FAR2: variants seen among roughly 807,000 people sequenced by gnomAD.
FAR2 encodes the protein epididymis secretory protein Li 81.
Under a neutral mutation model 56.0 loss-of-function variants are expected in FAR2, and 19 were observed. The observed-to-expected ratio is 0.34, with a 90% CI of 0.24 to 0.50. The LOEUF (loss-of-function observed/expected upper bound fraction) is 0.50. FAR2 is among the 20% of genes least tolerant of loss of function. FAR2 has a pLI of 0.98. For synonymous variants in FAR2, 219 were observed against 218.8 expected, an observed-to-expected ratio of 1.00 and a Z score of -0.01; for missense variants, 508 against 642.2, an observed-to-expected ratio of 0.79 and a Z score of 2.26.
At chr12:29,159,511 C>A (rs553283242) in intron 1 of FAR2, among the ~76,000 whole-genome samples, 2 of 112,200 alleles carry the variant, frequency 1.8e-5, no homozygotes, top group African/African-American at 6.7e-5. Flanking sequence ...GTGTGTGAGA[C>A]TCTGTCTCGG....
At chr12:29,199,375 G>A (rs1342217805) in intron 1 of FAR2, among the ~76,000 whole-genome samples, 1 of 152,202 alleles carries the variant, frequency 6.6e-6, no homozygotes, top group Non-Finnish European at 1.5e-5. Flanking sequence ...CGAGGCGGGT[G>A]GATCACGAGG....
chr12:29,217,043 G>C (rs866020558), intron 1 of FAR2, among the ~76,000 whole-genome samples: 6 of 152,192 alleles, frequency 3.9e-5, no homozygotes, highest in Middle Eastern at 3.4e-3. Flanking sequence ...AAATATTTTG[G>C]CTCTTTAGTA....
At chr12:29,217,089 G>A (rs953659967) in intron 1 of FAR2, among the ~76,000 whole-genome samples, 1 of 152,138 alleles carries the variant, frequency 6.6e-6, no homozygotes, top group African/African-American at 2.4e-5. Flanking sequence ...TTAAAATGTA[G>A]GAGATTAGGA....
At chr12:29,227,058 CT>C (rs1232964724) in intron 1 of FAR2, among the ~76,000 whole-genome samples, 2 of 152,156 alleles carry the variant, frequency 1.3e-5, no homozygotes, top group African/African-American at 2.4e-5. Context: ...ACAAATGTCA[CT>C]TTCCCCCTTT....
intron 1 of FAR2, among the ~76,000 whole-genome samples, chr12:29,176,353 T>C (rs377742547): frequency 3.3e-5 from 5 of 152,360 alleles, no homozygotes; most frequent in East Asian, 1.9e-4. Context: ...TGAAGCTCTG[T>C]GATGTCTGGT....
chr12:29,188,780 T>G (rs1024365221), intron 1 of FAR2, among the ~76,000 whole-genome samples: 2 of 150,744 alleles, frequency 1.3e-5, no homozygotes, highest in Admixed American at 6.6e-5. Context: ...TGTTTTTTGT[T>G]TTTTTTTTTT....
At chr12:29,200,493 CT>C (rs1947394069) in intron 1 of FAR2, among the ~76,000 whole-genome samples, 1 of 152,176 alleles carries the variant, frequency 6.6e-6, no homozygotes, top group African/African-American at 2.4e-5. Context: ...TTGGGATGCT[CT>C]CTCTCTCCTA....
intron 10 of FAR2, 97 bp from the exon 11 acceptor site, chr12:29,332,503 T>G: frequency 6.5e-7 from 1 of 1,543,460 alleles, no homozygotes; most frequent in Non-Finnish European, 8.7e-7. Context: ...GTCTCCCAAA[T>G]TGAAGGTCAC....
At chr12:29,174,643 A>C (rs371848365) in intron 1 of FAR2, among the ~76,000 whole-genome samples, 15 of 151,974 alleles carry the variant, frequency 9.9e-5, no homozygotes, top group East Asian at 3.9e-4. Flanking sequence ...GATGGTCTCG[A>C]TCTCCTGACC....
chr12:29,208,322 T>C (rs1207933918), intron 1 of FAR2, among the ~76,000 whole-genome samples: 2 of 152,202 alleles, frequency 1.3e-5, no homozygotes. Flanking sequence ...CCACTCAGCA[T>C]CACTGAACAG....
chr12:29,211,600 G>A lies in FAR2; in HGVS notation c.-38-58812G>A, dbSNP rs746483757. Among the ~76,000 whole-genome samples, 6 of 152,006 alleles carry A rather than the reference G, an allele frequency of 3.9e-5. 1 individual carries two copies. The South Asian group carries it at 1.2e-3, about 32-fold the overall frequency. On this transcript the variant is annotated intron_variant, in intron 1 of 11. Coordinates refer to ENST00000536681, the MANE Select transcript of FAR2 (RefSeq NM_001271783.2). ...TTGCAGTAGTTGTGCCATCATAAGC[G>A]AGCAACTGACCCTTTAAGTTACTGA...
At chr12:29,171,912 C>G (rs1428244791) in intron 1 of FAR2, 2 of 152,604 alleles carry the variant, frequency 1.3e-5, no homozygotes, top group East Asian at 3.9e-4. Flanking sequence ...GTGAGGAGTG[C>G]CTCTGCCCGG....
intron 1 of FAR2, among the ~76,000 whole-genome samples, chr12:29,262,645 G>GTAAA (rs1180300743): frequency 4.9e-5 from 7 of 141,584 alleles, no homozygotes; most frequent in Admixed American, 1.4e-4. Flanking sequence ...AAATAAGTAA[G>GTAAA]TAAATAAATA....
At chr12:29,187,412 C>G (rs990820375) in intron 1 of FAR2, among the ~76,000 whole-genome samples, 1 of 151,742 alleles carries the variant, frequency 6.6e-6, no homozygotes, top group Non-Finnish European at 1.5e-5. Context: ...AAGTAAGAAG[C>G]GTATATATAT....
chr12:29,250,044 C>T (rs1249387613), intron 1 of FAR2, among the ~76,000 whole-genome samples: 1 of 152,184 alleles, frequency 6.6e-6, no homozygotes, highest in African/African-American at 2.4e-5. Flanking sequence ...TGCACCACCT[C>T]CTTTCTGTAC....
At chr12:29,257,074 C>T (rs557480129) in intron 1 of FAR2, among the ~76,000 whole-genome samples, 7 of 152,316 alleles carry the variant, frequency 4.6e-5, no homozygotes, top group East Asian at 3.9e-4. Flanking sequence ...AGACCGAGTG[C>T]GGGATCCACT....
chr12:29,325,136 A>C (rs200473295), intron 10 of FAR2, among the ~76,000 whole-genome samples: 4,797 of 152,292 alleles, frequency 0.031, 96 homozygotes, highest in South Asian at 0.07. Flanking sequence ...ACCAACAAAG[A>C]TCAAAAGAGA....
At chr12:29,248,590 TG>T (rs1351455008) in intron 1 of FAR2, among the ~76,000 whole-genome samples, 1 of 152,200 alleles carries the variant, frequency 6.6e-6, no homozygotes, top group Non-Finnish European at 1.5e-5. Context: ...AAATTGCTAA[TG>T]AAGTTTCGGG....
At chr12:29,181,390 A>G (rs1165449109) in intron 1 of FAR2, among the ~76,000 whole-genome samples, 2 of 152,206 alleles carry the variant, frequency 1.3e-5, no homozygotes, top group Non-Finnish European at 2.9e-5. Flanking sequence ...TTAGGAGAAC[A>G]TGTTCTATGG....
Sources: gnomAD v4.1 joint callset for allele counts (sites outside exome capture counted in the v4.1 genomes callset) on GRCh38, gnomAD v4.1.1 for gene constraint, MANE v1.5 for transcripts, NCBI Gene and HGNC (gene_info 2026-07-23, HGNC 2026-07-21) for gene names.